Variants in VPS50 observed in about 807,000 individuals in gnomAD.
VPS50 encodes the protein syndetin.
In VPS50, 70 loss-of-function variants were observed where a neutral mutation model predicts 139.7. That is an observed-to-expected ratio of 0.50 (90% CI 0.41 to 0.61). VPS50 has a LOEUF of 0.61. VPS50 is among the 20% of genes least tolerant of loss of function. VPS50 has a pLI of 0.00. For synonymous variants in VPS50, 365 were observed against 376.7 expected, an observed-to-expected ratio of 0.97 and a Z score of 0.36; for missense variants, 921 against 1,133.7, an observed-to-expected ratio of 0.81 and a Z score of 2.69.
chr7:93,356,263 G>C, intron 27 of VPS50, 183 bp downstream of exon 27: 1 of 334,124 alleles, frequency 3.0e-6, no homozygotes, highest in Admixed American at 4.6e-5. Context: ...TCTAAGCAGT[G>C]CCCTTTGACT....
At chr7:93,273,452 C>T (rs984026979) in intron 11 of VPS50, 1 of 151,962 alleles carries the variant, frequency 6.6e-6, no homozygotes, top group African/African-American at 2.4e-5. Context: ...AATTTAAACT[C>T]TACATTTTGA....
chr7:93,292,467 A>G (rs1369835212), intron 13 of VPS50, among the ~76,000 whole-genome samples: 2 of 152,136 alleles, frequency 1.3e-5, no homozygotes. Flanking sequence ...TTAACTGATT[A>G]TCCTTGAACA....
chr7:93,247,087 A>C (rs1795178428), intron 2 of VPS50, among the ~76,000 whole-genome samples: 1 of 151,954 alleles, frequency 6.6e-6, no homozygotes, highest in African/African-American at 2.4e-5. Flanking sequence ...TATCTCAGAC[A>C]TGATCAAAAT....
chr7:93,236,163 G>C (rs1232557185), intron 1 of VPS50, among the ~76,000 whole-genome samples: 1 of 152,208 alleles, frequency 6.6e-6, no homozygotes, highest in Non-Finnish European at 1.5e-5. Context: ...GGAGTGATTA[G>C]CTGTGTTAAA....
chr7:93,355,883 C>T lies in VPS50; in HGVS notation c.2586-8C>T, dbSNP rs754615073. 37 of 1,512,880 alleles carry T rather than the reference C, an allele frequency of 2.4e-5. No individual in the cohort carries two copies. The South Asian group carries it at 3.4e-4, about 14-fold the overall frequency. 93.7% of individuals were successfully genotyped at this position (1,512,880 alleles called of 1,614,324 possible). A position where few individuals can be genotyped will look rare whatever the true frequency, so the allele number is the denominator to read the frequency against. ...TAATGTATTTTTTTTTATTGTTTTG[C>T]ATCTTAGATATGCCAATGTCAAGAA... On this transcript the variant is annotated splice_polypyrimidine_tract_variant and splice_region_variant and intron_variant, in intron 26 of 27. Coordinates refer to ENST00000305866, the MANE Select transcript of VPS50 (RefSeq NM_017667.4).
In VPS50 at chr7:93,259,561, TC is replaced by T; in HGVS notation, c.590del (p.Pro197GlnfsTer23). On this transcript the variant is annotated frameshift_variant, in exon 9 of 28. Coordinates refer to ENST00000305866, the MANE Select transcript of VPS50 (RefSeq NM_017667.4). LOFTEE classifies it high-confidence loss of function. ...LSEMLEEEDY[P>X]GAIQLCLECQ... ...GTTGTTACCTTAAGGAGGAAGATTA[TC>T]CAGGAGCTATTCAGTTGTGCCTTGA... 1 of 1,576,932 alleles carries T rather than the reference TC, an allele frequency of 6.3e-7. No homozygotes were observed. The highest frequency in any genetic ancestry group is 8.7e-7 in the Non-Finnish European group (1 of 1,146,680).
At position 93,337,321 on chromosome 7, in the gene VPS50, C is replaced by A. The variant is rs187825768; in HGVS notation, c.2058+3124C>A. Among the ~76,000 whole-genome samples the A allele has an allele frequency of 1.1e-3, 162 of 152,228 alleles. 1 individual carries two copies. The highest frequency in any genetic ancestry group is 3.8e-3 in the African/African-American group (158 of 41,556). ...TCCCTGAGTAGAAGGGAACTCAGTG[C>A]ATTTGTGTTGGAGGCACTAAGGAGG... is the stretch of plus-strand genomic sequence containing the variant. On this transcript the variant is annotated intron_variant, in intron 22 of 27. Coordinates refer to ENST00000305866, the MANE Select transcript of VPS50 (RefSeq NM_017667.4).
Position 93,303,517 on chromosome 7 carries a change from T to A in VPS50, c.1419T>A (p.Pro473=). ...AGAATGAGACTTGGGAACTTTGTCC[T>A]GTTAAGTCAAATTTCAGCATCTTGC... ...FLENETWELC[P]VKSNFSILQL... Residue 473 remains proline (P), a synonymous_variant, in exon 17 of 28, where the codon CCT becomes CCA. Coordinates refer to ENST00000305866, the MANE Select transcript of VPS50 (RefSeq NM_017667.4). 1 of 1,575,774 alleles carries A rather than the reference T, an allele frequency of 6.3e-7. No individual in the cohort carries two copies. Among genetic ancestry groups the A allele is most frequent in the Non-Finnish European group, 8.7e-7 (1 of 1,151,926 alleles).
intron 20 of VPS50, among the ~76,000 whole-genome samples, chr7:93,321,504 C>T (rs1377670210): frequency 2.0e-5 from 3 of 152,144 alleles, no homozygotes; most frequent in Non-Finnish European, 2.9e-5. Flanking sequence ...CCATGTATGA[C>T]TTTTAAGGTG....
chr7:93,335,632 C>T (rs1305015369), intron 22 of VPS50, among the ~76,000 whole-genome samples: 2 of 152,014 alleles, frequency 1.3e-5, no homozygotes, highest in Non-Finnish European at 2.9e-5. Context: ...CCATTGGTCT[C>T]AGCCCCACTT....
At chr7:93,325,615 C>A (rs1797747078) in intron 21 of VPS50, among the ~76,000 whole-genome samples, 1 of 150,976 alleles carries the variant, frequency 6.6e-6, no homozygotes, top group African/African-American at 2.5e-5. Flanking sequence ...AAAAAAACAA[C>A]CCCATCAAAA....
chr7:93,327,241 A>G (rs1200840781), intron 21 of VPS50, among the ~76,000 whole-genome samples: 1 of 152,200 alleles, frequency 6.6e-6, no homozygotes. Flanking sequence ...TGTATGACTA[A>G]TGACTTAGGA....
chr7:93,347,700 A>C (rs1419282833), intron 23 of VPS50, among the ~76,000 whole-genome samples: 2 of 149,246 alleles, frequency 1.3e-5, no homozygotes, highest in African/African-American at 5.0e-5. Context: ...ATTGGAAATC[A>C]TCATTCGCAG....
chr7:93,348,882 G>T (rs534114338), intron 24 of VPS50, 75 bp downstream of exon 24: 19 of 1,050,044 alleles, frequency 1.8e-5, no homozygotes, highest in African/African-American at 3.2e-5. Context: ...ATTTTTTGTT[G>T]TTTTTTTTAA....
chr7:93,305,961 A>G lies in VPS50; in HGVS notation c.1586A>G (p.Asn529Ser). The G allele has an allele frequency of 6.2e-7, 1 of 1,612,500 alleles. No homozygotes were observed. Among genetic ancestry groups the G allele is most frequent in the Non-Finnish European group, 8.5e-7 (1 of 1,178,764 alleles). The change falls in exon 18 of 28, where the codon AAC becomes AGC. Residue 529 changes from asparagine to serine, a missense_variant. Physicochemically the swap from Asn to Ser is conservative, Grantham distance 46 (BLOSUM62 1). Coordinates refer to ENST00000305866, the MANE Select transcript of VPS50 (RefSeq NM_017667.4). ...SGGNPFEIQANHKDEETEDVL... is the reference protein window; with the variant it reads ...SGGNPFEIQASHKDEETEDVL... ...GGGAATCCATTTGAAATTCAGGCCA[A>G]CCACAAAGATGAAGAAACAGAAGAT...
chr7:93,326,813 T>C (rs1241418849), intron 21 of VPS50, among the ~76,000 whole-genome samples: 1 of 152,148 alleles, frequency 6.6e-6, no homozygotes, highest in Non-Finnish European at 1.5e-5. Flanking sequence ...AATTTCAATG[T>C]ATAACTACAT....
In VPS50 at chr7:93,320,053, G is replaced by A. The variant is rs950770074; in HGVS notation, c.1856-3558G>A. Among the ~76,000 whole-genome samples, 4 of 151,868 alleles carry A rather than the reference G, an allele frequency of 2.6e-5. 1 individual carries two copies. Among genetic ancestry groups the A allele is most frequent in the African/African-American group, 9.7e-5 (4 of 41,350 alleles). On this transcript the variant is annotated intron_variant, in intron 20 of 27. Coordinates refer to ENST00000305866, the MANE Select transcript of VPS50 (RefSeq NM_017667.4). ...TTTTCACACTCTGAGTTTTCTTTGT[G>A]TGCCTGGTGATTTTTGATTAGCTAT...
chr7:93,308,071 A>G (rs1294666316), intron 18 of VPS50, among the ~76,000 whole-genome samples: 7 of 151,988 alleles, frequency 4.6e-5, no homozygotes, highest in African/African-American at 1.4e-4. Flanking sequence ...CTATTACTTA[A>G]TGATATTAAT....
intron 20 of VPS50, among the ~76,000 whole-genome samples, chr7:93,313,987 T>G (rs996147826): frequency 6.6e-6 from 1 of 152,210 alleles, no homozygotes; most frequent in African/African-American, 2.4e-5. Flanking sequence ...TTTATGCCTA[T>G]CATTTTCTCT....
Sources: gnomAD v4.1 joint callset for allele counts (sites outside exome capture counted in the v4.1 genomes callset) on GRCh38, gnomAD v4.1.1 for gene constraint, MANE v1.5 for transcripts, NCBI Gene and HGNC (gene_info 2026-07-23, HGNC 2026-07-21) for gene names.